PIEZO2: variants seen among roughly 807,000 people sequenced by gnomAD.
PIEZO2 encodes the protein piezo-type mechanosensitive ion channel component 2.
In PIEZO2, 172 loss-of-function variants were observed where a neutral mutation model predicts 337.3. That is an observed-to-expected ratio of 0.51 (90% CI 0.45 to 0.58). The LOEUF (loss-of-function observed/expected upper bound fraction) is 0.58, where lower values mean the gene tolerates loss of function less well. Among genes scored for constraint, PIEZO2 ranks in the 20% least tolerant of loss-of-function variants. The pLI, the probability that PIEZO2 is intolerant of heterozygous loss-of-function variation, is 0.00. For synonymous variants in PIEZO2, 1,251 were observed against 1,228.5 expected, an observed-to-expected ratio of 1.02 and a Z score of -0.38; for missense variants, 3,028 against 3,391.3, an observed-to-expected ratio of 0.89 and a Z score of 2.66.
rs180965176 is a variant in PIEZO2, at chr18:10,993,795, G to A, written c.161-14135C>T. Among the ~76,000 whole-genome samples, 1 of 152,072 alleles carries A rather than the reference G, an allele frequency of 6.6e-6. No individual in the cohort carries two copies. Among genetic ancestry groups the A allele is most frequent in the East Asian group, 1.9e-4 (1 of 5,194 alleles). ...GCCCGCTTCGGCCTCCCAAAGTGCT[G>A]GGATTACAGGCGTGAGCCACCGCTC... On this transcript the variant is annotated intron_variant, in intron 2 of 55. Coordinates refer to ENST00000674853, the MANE Select transcript of PIEZO2 (RefSeq NM_001378183.1). The surrounding 1 kb of genome is among the most constrained non-coding windows in gnomAD (Gnocchi z 5.0).
chr18:11,080,304 T>C lies in PIEZO2; in HGVS notation c.65-14082A>G, dbSNP rs2038692481. ...AATTAAATCTAAGGAAAAAGTTGTC[T>C]CTTCCACCTCAGAATACCCATAGCA... is the stretch of plus-strand genomic sequence containing the variant. On this transcript the variant is annotated intron_variant, in intron 1 of 55. Transcript: ENST00000674853. The surrounding 1 kb of genome is among the most constrained non-coding windows in gnomAD (Gnocchi z 5.4). 6.6e-6 allele frequency among the ~76,000 whole-genome samples: 1 copy of C among 152,266 alleles called. No individual in the cohort carries two copies. The highest frequency in any genetic ancestry group is 1.5e-5 in the Non-Finnish European group (1 of 68,054).
chr18:11,090,037 T>C (rs1379762026), intron 1 of PIEZO2, among the ~76,000 whole-genome samples: 1 of 152,168 alleles, frequency 6.6e-6, no homozygotes, highest in Non-Finnish European at 1.5e-5. Flanking sequence ...AGGGCTCTTC[T>C]GAGAGAAGGG....
Position 10,962,424 on chromosome 18 carries a change from A to C in PIEZO2, c.286+17111T>G, listed in dbSNP as rs144203452. ...TCCCTTAACACTCCTGTGAGGGGAC[A>C]ACCCTAAAGCCTGGGATCCCAGGAG... On this transcript the variant is annotated intron_variant, in intron 3 of 55. Coordinates refer to ENST00000674853, the MANE Select transcript of PIEZO2 (RefSeq NM_001378183.1). This position sits in a 1 kb window ranked among gnomAD's most constrained non-coding sequence, Gnocchi z 4.1. 7.9e-5 allele frequency among the ~76,000 whole-genome samples: 12 copies of C among 152,262 alleles called. 1 individual carries two copies. In the East Asian group the frequency reaches 2.3e-3, roughly 30 times the overall value.
In PIEZO2 at chr18:11,129,629, G is replaced by T. The variant is rs1254387818; in HGVS notation, c.64+18896C>A. On this transcript the variant is annotated intron_variant, in intron 1 of 55. Coordinates refer to ENST00000674853, the MANE Select transcript of PIEZO2 (RefSeq NM_001378183.1). The surrounding 1 kb of genome is among the most constrained non-coding windows in gnomAD (Gnocchi z 4.6). ...GAAGGGGAGGCTGAGTCCCCTTGAG[G>T]AAGAACCCCACTACATTACGGACAA... 1.3e-5 allele frequency among the ~76,000 whole-genome samples: 2 copies of T among 152,150 alleles called. No homozygotes were observed. The highest frequency in any genetic ancestry group is 2.9e-5 in the Non-Finnish European group (2 of 68,020).
At chr18:10,801,797 A>G (rs928280543) in intron 9 of PIEZO2, among the ~76,000 whole-genome samples, 1 of 152,186 alleles carries the variant, frequency 6.6e-6, no homozygotes, top group Non-Finnish European at 1.5e-5. Flanking sequence ...CATAATAAAG[A>G]AAAATTGGGC....
At chr18:11,053,853 T>TA (rs113123136) in intron 2 of PIEZO2, among the ~76,000 whole-genome samples, 1,883 of 145,672 alleles carry the variant, frequency 0.013, 22 homozygotes, top group South Asian at 0.041. Flanking sequence ...CCGTCTCTAC[T>TA]AAAAAAAAAA....
intron 1 of PIEZO2, among the ~76,000 whole-genome samples, chr18:11,123,239 A>G (rs1412715800): frequency 6.6e-6 from 1 of 152,212 alleles, no homozygotes; most frequent in Non-Finnish European, 1.5e-5. Context: ...GATATACACA[A>G]TTACACTTAG....
chr18:10,803,767 G>T, intron 9 of PIEZO2, 108 bp downstream of exon 9: 1 of 1,352,618 alleles, frequency 7.4e-7, no homozygotes, highest in African/African-American at 1.5e-5. Context: ...TAAACTACAA[G>T]CAACCTGAAT....
At chr18:11,056,728 T>A (rs2145875687) in intron 2 of PIEZO2, among the ~76,000 whole-genome samples, 1 of 152,006 alleles carries the variant, frequency 6.6e-6, no homozygotes, top group East Asian at 2.0e-4. Flanking sequence ...CAGGAGAAGG[T>A]CCAGAAATGG....
At chr18:11,012,241 C>A (rs1211788716) in intron 2 of PIEZO2, among the ~76,000 whole-genome samples, 1 of 152,160 alleles carries the variant, frequency 6.6e-6, no homozygotes, top group Non-Finnish European at 1.5e-5. Flanking sequence ...ATTATGACAT[C>A]TAAATATCAG....
chr18:10,976,604 T>G (rs962332901), intron 3 of PIEZO2, among the ~76,000 whole-genome samples: 1 of 152,086 alleles, frequency 6.6e-6, no homozygotes, highest in African/African-American at 2.4e-5. Flanking sequence ...CATAACAGAG[T>G]AGAGCTTTCA....
At chr18:10,693,354 TTTTGTGTGTGTGTGTGTG>T (rs2034937090) in intron 47 of PIEZO2, among the ~76,000 whole-genome samples, 1 of 121,660 alleles carries the variant, frequency 8.2e-6, no homozygotes, top group Non-Finnish European at 1.6e-5. Context: ...CCAATCTGGA[TTTTGTGTGTGTGTGTGTG>T]TGTGTGTGTG....
At position 10,677,949 on chromosome 18, in the gene PIEZO2, A is replaced by T; in HGVS notation, c.7953-74T>A. ...GGAAAAGAGATTTACAACATATTTA[A>T]CTCTTAATTTGATTAATGTCACCAC... On this transcript the variant is annotated intron_variant, in intron 52 of 55. Transcript: ENST00000674853. The surrounding 1 kb of genome is among the most constrained non-coding windows in gnomAD (Gnocchi z 4.1). 1 of 1,389,650 alleles carries T rather than the reference A, an allele frequency of 7.2e-7. No homozygotes were observed. Among genetic ancestry groups the T allele is most frequent in the East Asian group, 2.4e-5 (1 of 41,114 alleles). 86.1% of individuals were successfully genotyped at this position (1,389,650 alleles called of 1,614,324 possible).
chr18:10,911,859 T>A (rs1441034296), intron 3 of PIEZO2, among the ~76,000 whole-genome samples: 1 of 152,096 alleles, frequency 6.6e-6, no homozygotes, highest in Non-Finnish European at 1.5e-5. Flanking sequence ...ACGCCAATAA[T>A]TCTCTAAAAA....
intron 39 of PIEZO2, among the ~76,000 whole-genome samples, chr18:10,709,858 T>C (rs1295203271): frequency 1.3e-5 from 2 of 152,252 alleles, no homozygotes; most frequent in Admixed American, 6.5e-5. Flanking sequence ...AATAAGGACA[T>C]TGAGGCTGTT....
chr18:10,857,251 C>G (rs759809250), intron 5 of PIEZO2, 40 bp from the exon 6 acceptor site: 5 of 1,500,512 alleles, frequency 3.3e-6, no homozygotes, highest in Non-Finnish European at 3.6e-6. Flanking sequence ...AGTCCAGGAG[C>G]CTGCCTATCC....
chr18:11,015,251 G>T (rs919175476), intron 2 of PIEZO2, among the ~76,000 whole-genome samples: 1 of 151,372 alleles, frequency 6.6e-6, no homozygotes, highest in Non-Finnish European at 1.5e-5. Context: ...ATGTCACCCT[G>T]GGTGGGACAG....
chr18:10,907,863 TA>T (rs918460766), intron 4 of PIEZO2, among the ~76,000 whole-genome samples: 5 of 152,126 alleles, frequency 3.3e-5, no homozygotes, highest in African/African-American at 9.7e-5. Flanking sequence ...TTATCTATAA[TA>T]AAAAAAATTG....
chr18:10,694,244 G>A (rs1040939009), intron 47 of PIEZO2, among the ~76,000 whole-genome samples: 2 of 151,788 alleles, frequency 1.3e-5, no homozygotes, highest in African/African-American at 2.4e-5. Context: ...TACTGAAATC[G>A]AACGGTCAGA....
Sources: allele counts gnomAD v4.1 joint callset (sites outside exome capture counted in the v4.1 genomes callset), GRCh38; gene constraint gnomAD v4.1.1; non-coding constraint Gnocchi (gnomAD v3.1); transcripts MANE v1.5; gene names NCBI Gene and HGNC (gene_info 2026-07-23, HGNC 2026-07-21).